Variants in PCSK5 observed in about 807,000 individuals in gnomAD.
The protein encoded by PCSK5 is proprotein convertase subtilisin/kexin type 5.
In PCSK5, 129 loss-of-function variants were observed where a neutral mutation model predicts 233.2. The observed-to-expected ratio is 0.55, with a 90% CI of 0.48 to 0.64. The LOEUF (loss-of-function observed/expected upper bound fraction) is 0.64. Ranked by LOEUF, PCSK5 falls within the 30% of genes least tolerant of loss-of-function variation. The pLI is 0.00. For synonymous variants in PCSK5, 825 were observed against 879.2 expected, an observed-to-expected ratio of 0.94 and a Z score of 1.09; for missense variants, 2,076 against 2,430.1, an observed-to-expected ratio of 0.85 and a Z score of 3.06.
Position 76,030,323 on chromosome 9 carries a change from A to G in PCSK5, c.632+3286A>G, listed in dbSNP as rs537279906. Among the ~76,000 whole-genome samples, 67 of 152,208 alleles carry G rather than the reference A, an allele frequency of 4.4e-4. 1 individual carries two copies. Among genetic ancestry groups the G allele is most frequent in the African/African-American group, 1.5e-3 (64 of 41,544 alleles). On this transcript the variant is annotated intron_variant, in intron 5 of 37. Transcript: ENST00000674117. ...ATCTCCAAAGTTATCAGAAACTTGCATTCAAGAGCACCTGTTAAAGTTTTA... is the reference window on the plus strand; with the variant it reads ...ATCTCCAAAGTTATCAGAAACTTGCGTTCAAGAGCACCTGTTAAAGTTTTA...
rs11144824 is a variant in PCSK5, at chr9:76,303,117, G to A, written c.3604+900G>A. On this transcript the variant is annotated intron_variant, in intron 28 of 37. Coordinates refer to ENST00000674117, the MANE Select transcript of PCSK5 (RefSeq NM_001372043.1). ...CTTGCTGAGGAGGACTTTATGCCCT[G>A]CCCAGGCCTAATTGCTAAGTTAACT... 5.9e-3 allele frequency among the ~76,000 whole-genome samples: 898 copies of A among 152,196 alleles called. 11 individuals are homozygous for A. Among genetic ancestry groups the A allele is most frequent in the African/African-American group, 0.02 (844 of 41,530 alleles).
At chr9:75,932,554 G>A in intron 2 of PCSK5, 71 bp downstream of exon 2, 2 of 879,644 alleles carry the variant, frequency 2.3e-6, no homozygotes, top group East Asian at 4.9e-5. Context: ...TAACACACTA[G>A]GGGCTGAGGA....
intron 2 of PCSK5, among the ~76,000 whole-genome samples, chr9:75,950,105 C>A (rs981083568): frequency 1.5e-5 from 2 of 134,008 alleles, no homozygotes; most frequent in Admixed American, 1.8e-4. Context: ...TATACCGGAC[C>A]CTTAAACCTT....
At chr9:76,334,593 T>C (rs1036182626) in intron 34 of PCSK5, among the ~76,000 whole-genome samples, 15 of 152,060 alleles carry the variant, frequency 9.9e-5, no homozygotes, top group Admixed American at 9.8e-4. Context: ...TAGCCAGGCA[T>C]GGTGGCACGT....
At chr9:76,353,564 G>A (rs763410325) in intron 36 of PCSK5, among the ~76,000 whole-genome samples, 1 of 152,232 alleles carries the variant, frequency 6.6e-6, no homozygotes, top group Admixed American at 6.5e-5. Flanking sequence ...GGAAAGAGGG[G>A]TCATCGCCAC....
At chr9:76,021,641 G>T (rs1364606746) in intron 3 of PCSK5, among the ~76,000 whole-genome samples, 1 of 152,020 alleles carries the variant, frequency 6.6e-6, no homozygotes, top group Non-Finnish European at 1.5e-5. Flanking sequence ...TAAAAACATG[G>T]GTGCACCCTT....
intron 10 of PCSK5, among the ~76,000 whole-genome samples, chr9:76,153,925 G>C (rs1475486760): frequency 6.6e-6 from 1 of 152,188 alleles, no homozygotes; most frequent in African/African-American, 2.4e-5. Context: ...AGATGTGCAA[G>C]ACAGACTTGA....
intron 24 of PCSK5, among the ~76,000 whole-genome samples, chr9:76,262,807 C>T (rs1446825724): frequency 2.0e-5 from 3 of 150,710 alleles, no homozygotes; most frequent in Non-Finnish European, 4.4e-5. Context: ...AGCTTCTGCA[C>T]AGCAAAAGAA....
intron 10 of PCSK5, among the ~76,000 whole-genome samples, chr9:76,148,037 A>G (rs1163547112): frequency 6.6e-6 from 1 of 151,922 alleles, no homozygotes; most frequent in East Asian, 2.0e-4. Flanking sequence ...CCATTTCCTT[A>G]GTTCATTCAG....
At chr9:76,036,150 T>C (rs936792148) in intron 5 of PCSK5, among the ~76,000 whole-genome samples, 2 of 152,180 alleles carry the variant, frequency 1.3e-5, no homozygotes, top group South Asian at 4.1e-4. Context: ...AAGTTAGAAT[T>C]TTATTTTTGT....
At chr9:76,027,593 C>T (rs559452403) in intron 5 of PCSK5, among the ~76,000 whole-genome samples, 3 of 130,074 alleles carry the variant, frequency 2.3e-5, no homozygotes, top group Non-Finnish European at 4.8e-5. Context: ...CACAGAAACC[C>T]GGTTAACCAC....
intron 3 of PCSK5, among the ~76,000 whole-genome samples, chr9:76,012,079 G>T (rs1442589184): frequency 6.6e-6 from 1 of 152,054 alleles, no homozygotes; most frequent in African/African-American, 2.4e-5. Flanking sequence ...TGTAGACTTA[G>T]TATCTAAAAG....
intron 7 of PCSK5, among the ~76,000 whole-genome samples, chr9:76,083,658 C>T (rs1399230824): frequency 6.6e-6 from 1 of 152,228 alleles, no homozygotes; most frequent in East Asian, 1.9e-4. Context: ...ACTATTTTCC[C>T]TTCCCATCAT....
chr9:76,179,837 G>A, intron 15 of PCSK5, 139 bp downstream of exon 15: 1 of 622,052 alleles, frequency 1.6e-6, no homozygotes, highest in South Asian at 1.9e-5. Context: ...ATAGAAAAGA[G>A]GCTGCTGTGC....
intron 7 of PCSK5, among the ~76,000 whole-genome samples, chr9:76,086,548 A>C (rs1369420207): frequency 6.6e-6 from 1 of 152,238 alleles, no homozygotes; most frequent in Non-Finnish European, 1.5e-5. Context: ...GGGACTATTA[A>C]AGCAGCTAAT....
chr9:76,302,160 T>A lies in PCSK5; in HGVS notation c.3547T>A (p.Ser1183Thr), dbSNP rs765276017. 1 of 1,348,910 alleles carries A rather than the reference T, an allele frequency of 7.4e-7. No individual in the cohort carries two copies. 83.6% of individuals were successfully genotyped at this position (1,348,910 alleles called of 1,614,324 possible). A position where few individuals can be genotyped will look rare whatever the true frequency, so the allele number is the denominator to read the frequency against. The change falls in exon 28 of 38, where the codon TCT becomes ACT. Residue 1183 changes from serine to threonine, a missense_variant. By Grantham distance (58) the Ser-to-Thr change is moderately conservative. Around this residue, in one of 6 missense-constraint regions of PCSK5, gnomAD observed 1,510 missense variants for 1,538.1 expected, o/e 0.98. Coordinates refer to ENST00000674117, the MANE Select transcript of PCSK5 (RefSeq NM_001372043.1). ...AGAAGCTGTGTCCACTGCAAACCTA[T>A]CTGTGGTGAAGAGCCTGCTGCAGGA... ...WNEAVSTANL[S>T]VVKSLLQERR...
At chr9:76,040,515 T>G (rs1829074047) in intron 5 of PCSK5, among the ~76,000 whole-genome samples, 1 of 152,152 alleles carries the variant, frequency 6.6e-6, no homozygotes, top group South Asian at 2.1e-4. Flanking sequence ...CCAAGATCCC[T>G]TTAACAAACT....
chr9:76,259,664 A>G (rs1247096036), intron 24 of PCSK5, among the ~76,000 whole-genome samples: 5 of 152,212 alleles, frequency 3.3e-5, no homozygotes, highest in Admixed American at 3.3e-4. Context: ...AGCTCCTTGA[A>G]TCATGCTTAC....
chr9:76,147,088 T>C (rs1466170733), intron 10 of PCSK5, among the ~76,000 whole-genome samples: 1 of 152,166 alleles, frequency 6.6e-6, no homozygotes, highest in African/African-American at 2.4e-5. Flanking sequence ...TTCACCTTTG[T>C]ACACTGAGCA....
Sources: allele counts gnomAD v4.1 joint callset (sites outside exome capture counted in the v4.1 genomes callset), GRCh38; gene constraint gnomAD v4.1.1; regional missense constraint gnomAD v4.1.1; transcripts MANE v1.5; gene names NCBI Gene and HGNC (gene_info 2026-07-23, HGNC 2026-07-21).